Variants in TANC2 observed in about 807,000 individuals in gnomAD.
The protein encoded by TANC2 is tetratricopeptide repeat, ankyrin repeat and coiled-coil containing 2.
In TANC2, 26 loss-of-function variants were observed where a neutral mutation model predicts 210.5. The observed-to-expected ratio is 0.12, with a 90% confidence interval of 0.09 to 0.17. TANC2 has a LOEUF of 0.17. TANC2 is among the 10% of genes least tolerant of loss of function. TANC2 has a pLI of 1.00. For missense variants in TANC2, 2,129 were observed against 2,608.9 expected (o/e 0.82, Z 4.01); for synonymous variants, 931 against 967.1 (o/e 0.96, Z 0.69).
At chr17:63,246,490 C>G (rs1300913920) in intron 8 of TANC2, among the ~76,000 whole-genome samples, 1 of 152,120 alleles carries the variant, frequency 6.6e-6, no homozygotes, top group Non-Finnish European at 1.5e-5. Flanking sequence ...TTCCCTCTCC[C>G]AGTTCCCAGG....
intron 2 of TANC2, among the ~76,000 whole-genome samples, chr17:63,039,818 G>T (rs536232887): frequency 6.6e-6 from 1 of 152,176 alleles, no homozygotes; most frequent in Non-Finnish European, 1.5e-5. Context: ...TCTATATAAA[G>T]AGGTTCAGGT....
At chr17:63,207,667 A>G (rs1370698926) in intron 7 of TANC2, among the ~76,000 whole-genome samples, 1 of 152,204 alleles carries the variant, frequency 6.6e-6, no homozygotes, top group Non-Finnish European at 1.5e-5. Context: ...AGTTGTTTCC[A>G]GATTTTTGCT....
chr17:63,377,067 C>G (rs1480958420), intron 14 of TANC2, among the ~76,000 whole-genome samples: 1 of 152,160 alleles, frequency 6.6e-6, no homozygotes, highest in East Asian at 1.9e-4. Context: ...CCCTTTTAGC[C>G]ACAGCTGGAA....
chr17:63,346,892 A>G (rs1343842693), intron 12 of TANC2, among the ~76,000 whole-genome samples: 1 of 149,098 alleles, frequency 6.7e-6, no homozygotes, highest in Admixed American at 6.7e-5. Flanking sequence ...TTTTTCAGAG[A>G]TGGGGGTCTT....
Position 63,420,932 on chromosome 17 carries a change from C to T in TANC2, c.5202C>T (p.Asp1734=). The T allele has an allele frequency of 6.2e-7, 1 of 1,614,012 alleles. No individual in the cohort carries two copies. Among genetic ancestry groups the T allele is most frequent in the Non-Finnish European group, 8.5e-7 (1 of 1,179,896 alleles). Reference sequence around the variant, plus strand: ...GTAAATACCAGTCTTCACAAGGAGACATAGGAGTCAGCCAGAGCCGGTTGG... The same window carrying T: ...GTAAATACCAGTCTTCACAAGGAGATATAGGAGTCAGCCAGAGCCGGTTGG... The change falls in exon 28 of 28, where the codon GAC becomes GAT. Residue 1734 remains aspartate, a synonymous_variant. Transcript: ENST00000689528. The surrounding 1 kb of genome is among the most constrained non-coding windows in gnomAD (Gnocchi z 4.2).
At chr17:63,160,357 TAGTG>T (rs1214369178) in intron 5 of TANC2, among the ~76,000 whole-genome samples, 1 of 152,174 alleles carries the variant, frequency 6.6e-6, no homozygotes, top group Non-Finnish European at 1.5e-5. Context: ...CTTGGCAACA[TAGTG>T]AGACCCCATC....
intron 2 of TANC2, among the ~76,000 whole-genome samples, chr17:63,043,034 CT>C (rs1002446351): frequency 6.6e-6 from 1 of 152,026 alleles, no homozygotes; most frequent in African/African-American, 2.4e-5. Flanking sequence ...TTAGAAAAGA[CT>C]TTTCTTTGTA....
chr17:63,266,392 A>G (rs72845226), intron 8 of TANC2, among the ~76,000 whole-genome samples: 21,509 of 152,094 alleles, frequency 0.14, 1,966 homozygotes, highest in Middle Eastern at 0.21. Flanking sequence ...TATATTTGTT[A>G]AATGAATGAA....
At chr17:63,029,309 A>C (rs1254611873) in intron 2 of TANC2, among the ~76,000 whole-genome samples, 1 of 152,142 alleles carries the variant, frequency 6.6e-6, no homozygotes, top group African/African-American at 2.4e-5. Flanking sequence ...AATTATTGTA[A>C]AGCTGCTTAG....
At chr17:63,015,053 T>G (rs1418986421) in intron 2 of TANC2, among the ~76,000 whole-genome samples, 2 of 152,074 alleles carry the variant, frequency 1.3e-5, no homozygotes, top group East Asian at 3.8e-4. Context: ...CCTTAATGAA[T>G]AATTGGGTAG....
At chr17:63,289,928 A>G (rs1404961432) in intron 9 of TANC2, among the ~76,000 whole-genome samples, 1 of 150,138 alleles carries the variant, frequency 6.7e-6, no homozygotes, top group Non-Finnish European at 1.5e-5. Context: ...AGTGTTCCTC[A>G]GGTATTGTTT....
intron 3 of TANC2, among the ~76,000 whole-genome samples, chr17:63,091,299 G>A (rs1346249531): frequency 2.0e-5 from 3 of 152,142 alleles, no homozygotes; most frequent in Non-Finnish European, 4.4e-5. Flanking sequence ...CCTGTGTCCT[G>A]AATGGTATTG....
intron 7 of TANC2, among the ~76,000 whole-genome samples, chr17:63,214,560 GCA>G (rs1321246290): frequency 1.3e-5 from 2 of 152,210 alleles, no homozygotes; most frequent in African/African-American, 4.8e-5. Flanking sequence ...CAAGGCACCA[GCA>G]GATTTGATAT....
At chr17:63,053,012 G>A (rs1477121836) in intron 2 of TANC2, among the ~76,000 whole-genome samples, 1 of 152,172 alleles carries the variant, frequency 6.6e-6, no homozygotes, top group African/African-American at 2.4e-5. Context: ...AGAGTGTGCT[G>A]ACCTCTGGTT....
At chr17:63,304,958 C>T (rs1184324354) in intron 9 of TANC2, among the ~76,000 whole-genome samples, 1 of 152,236 alleles carries the variant, frequency 6.6e-6, no homozygotes, top group African/African-American at 2.4e-5. Flanking sequence ...CAGCCTGGAG[C>T]TATAGAGATG....
chr17:63,027,535 A>G (rs1427729474), intron 2 of TANC2, among the ~76,000 whole-genome samples: 1 of 151,924 alleles, frequency 6.6e-6, no homozygotes, highest in African/African-American at 2.4e-5. Flanking sequence ...TATTTCAAAG[A>G]AAAAAAACCT....
chr17:63,201,014 T>TA, intron 7 of TANC2, 57 bp downstream of exon 7: 3 of 1,469,530 alleles, frequency 2.0e-6, no homozygotes, highest in Non-Finnish European at 2.8e-6. Context: ...TTAAAATAAT[T>TA]ACACAAGCTT....
At chr17:63,128,886 C>T (rs1425065923) in intron 4 of TANC2, among the ~76,000 whole-genome samples, 1 of 152,172 alleles carries the variant, frequency 6.6e-6, no homozygotes, top group Non-Finnish European at 1.5e-5. Flanking sequence ...ACGTGTCATT[C>T]CTATCTGTTG....
chr17:63,243,077 C>A lies in TANC2; in HGVS notation c.1033+5000C>A, dbSNP rs75172561. ...CTGAGTAAAAAACTGTCTTTGATCTCCGACCCAAAGTTTCATATCTTTTTC... is the reference window on the plus strand; with the variant it reads ...CTGAGTAAAAAACTGTCTTTGATCTACGACCCAAAGTTTCATATCTTTTTC... On this transcript the variant is annotated intron_variant, in intron 8 of 27. Coordinates refer to ENST00000689528, the Ensembl canonical transcript of TANC2. Among the ~76,000 whole-genome samples, 624 of 152,294 alleles carry A rather than the reference C, an allele frequency of 4.1e-3. 5 individuals are homozygous for A. Among genetic ancestry groups the A allele is most frequent in the African/African-American group, 0.013 (541 of 41,570 alleles).
Sources: allele counts gnomAD v4.1 joint callset (sites outside exome capture counted in the v4.1 genomes callset), GRCh38; gene constraint gnomAD v4.1.1; non-coding constraint Gnocchi (gnomAD v3.1); transcripts MANE v1.5; gene names NCBI Gene and HGNC (gene_info 2026-07-23, HGNC 2026-07-21).